Variants in ZNF652 observed in about 807,000 individuals in gnomAD.
ZNF652 encodes zinc finger protein 652.
A neutral mutation model predicts 45.2 loss-of-function variants in ZNF652; 16 were observed. That is an observed-to-expected ratio of 0.35 (90% CI 0.24 to 0.54). The LOEUF is 0.54. Among genes scored for constraint, ZNF652 ranks in the 20% least tolerant of loss-of-function variants. ZNF652 has a pLI of 0.91. For synonymous variants in ZNF652, 250 were observed against 260.6 expected (o/e 0.96, Z 0.39); for missense variants, 614 against 765.6 (o/e 0.80, Z 2.34).
At chr17:49,328,866 G>A (rs982915397) in intron 1 of ZNF652, among the ~76,000 whole-genome samples, 84 of 152,238 alleles carry the variant, frequency 5.5e-4, no homozygotes, top group African/African-American at 1.9e-3. Flanking sequence ...CAACTTTCCC[G>A]TTGTCATTGC....
At chr17:49,351,614 T>C (rs1288759164) in intron 1 of ZNF652, among the ~76,000 whole-genome samples, 1 of 152,140 alleles carries the variant, frequency 6.6e-6, no homozygotes, top group African/African-American at 2.4e-5. Context: ...TATTGAGAGA[T>C]GTCTCAGGAT....
intron 1 of ZNF652, among the ~76,000 whole-genome samples, chr17:49,324,519 T>TA (rs1427087967): frequency 6.6e-6 from 1 of 151,288 alleles, no homozygotes; most frequent in Non-Finnish European, 1.5e-5. Context: ...GCCTCCCAAG[T>TA]AGCTGGGATT....
At chr17:49,336,956 T>TG (rs1395710763) in intron 1 of ZNF652, among the ~76,000 whole-genome samples, 5 of 125,424 alleles carry the variant, frequency 4.0e-5, no homozygotes, top group Middle Eastern at 7.6e-3. Flanking sequence ...TTTTTTTTTT[T>TG]TTTTTTTTTA....
At chr17:49,311,723 T>A (rs1286330615) in intron 4 of ZNF652, among the ~76,000 whole-genome samples, 1 of 152,212 alleles carries the variant, frequency 6.6e-6, no homozygotes, top group Non-Finnish European at 1.5e-5. Context: ...CAAGTTAACC[T>A]AATCTAAGAG....
chr17:49,320,994 C>T (rs1026066201), intron 1 of ZNF652, among the ~76,000 whole-genome samples: 8 of 143,678 alleles, frequency 5.6e-5, no homozygotes, highest in African/African-American at 2.4e-4. Flanking sequence ...GGATTACAGG[C>T]GTGAGCCACT....
intron 1 of ZNF652, among the ~76,000 whole-genome samples, chr17:49,343,149 TG>T (rs1388187417): frequency 1.3e-5 from 2 of 152,218 alleles, no homozygotes; most frequent in Non-Finnish European, 2.9e-5. Context: ...CCCAAAGTGC[TG>T]GGATTACAGG....
chr17:49,355,723 C>A (rs545844578), intron 1 of ZNF652, among the ~76,000 whole-genome samples: 2 of 151,372 alleles, frequency 1.3e-5, no homozygotes, highest in South Asian at 4.2e-4. Flanking sequence ...TATGGTGAAA[C>A]CCCGTCTCTA....
intron 5 of ZNF652, among the ~76,000 whole-genome samples, chr17:49,299,335 C>T (rs2069520933): frequency 6.6e-6 from 1 of 152,196 alleles, no homozygotes; most frequent in Non-Finnish European, 1.5e-5. Flanking sequence ...TCCTAGATGA[C>T]TCTTTGCCTT....
rs1047735850 is a variant in ZNF652, at chr17:49,291,268, A to G, written c.*7145T>C. ...GACGGTCCCTTTTCACCCATAAAAG[A>G]CAGGTAGGGAGGAAGCTGTGTTCAT... On this transcript the variant is annotated 3_prime_UTR_variant, in exon 6 of 6. Coordinates refer to ENST00000430262, the MANE Select transcript of ZNF652 (RefSeq NM_001145365.3). 1 of 152,240 alleles carries G rather than the reference A, an allele frequency of 6.6e-6. No individual in the cohort carries two copies. Among genetic ancestry groups the G allele is most frequent in the African/African-American group, 2.4e-5 (1 of 41,468 alleles). The allele number at this position is 152,240 out of a possible 1,614,324, so 9.4% of individuals were successfully genotyped here.
At chr17:49,324,187 C>T (rs962644451) in intron 1 of ZNF652, among the ~76,000 whole-genome samples, 3 of 152,212 alleles carry the variant, frequency 2.0e-5, no homozygotes, top group African/African-American at 7.2e-5. Flanking sequence ...ATGGAGATAG[C>T]TTCTTTCCTT....
intron 2 of ZNF652, 76 bp from the exon 3 acceptor site, chr17:49,312,921 A>G: frequency 6.7e-7 from 1 of 1,486,672 alleles, no homozygotes; most frequent in South Asian, 1.3e-5. Flanking sequence ...GACCAAACGG[A>G]TGTGCTTTAG....
Position 49,317,463 on chromosome 17 carries a change from G to C in ZNF652, c.263C>G (p.Ser88Cys), listed in dbSNP as rs181916483. ...GTCTTCCTTAACAGCATGCACGTCA[G>C]ACACTGCTCTTGTCTCCCTGAAATA... ...QPYFRETRAV[S>C]DVHAVKEDRE... Residue 88 changes from serine to cysteine, a missense_variant, in exon 2 of 6, where the codon TCT becomes TGT. Physicochemically the swap from Ser to Cys is moderately radical, Grantham distance 112. Transcript: ENST00000430262. 1.5e-3 allele frequency: 2,368 copies of C among 1,614,160 alleles called. 4 individuals carry two copies. The highest frequency in any genetic ancestry group is 1.8e-3 in the Admixed American group (109 of 60,010).
At chr17:49,311,134 ATTAAAG>A (rs1567918672) in intron 5 of ZNF652, among the ~76,000 whole-genome samples, 172 bp downstream of exon 5, 2 of 152,362 alleles carry the variant, frequency 1.3e-5, no homozygotes, top group Admixed American at 6.5e-5. Flanking sequence ...ACAATCAGTT[ATTAAAG>A]TTAAATTTTT....
intron 1 of ZNF652, among the ~76,000 whole-genome samples, chr17:49,327,751 A>T (rs1567690387): frequency 1.1e-3 from 7 of 6,114 alleles, no homozygotes; most frequent in African/African-American, 1.5e-3. Context: ...ATATATATAT[A>T]TATATATATA....
At chr17:49,348,079 C>T (rs2070225983) in intron 1 of ZNF652, among the ~76,000 whole-genome samples, 1 of 152,090 alleles carries the variant, frequency 6.6e-6, no homozygotes, top group African/African-American at 2.4e-5. Context: ...TAGATCTAAA[C>T]ACCAATCTAC....
At chr17:49,323,270 A>G (rs1449161296) in intron 1 of ZNF652, among the ~76,000 whole-genome samples, 3 of 152,232 alleles carry the variant, frequency 2.0e-5, no homozygotes, top group Admixed American at 1.3e-4. Flanking sequence ...CACCAGGAGT[A>G]GATTCCATCT....
chr17:49,343,925 G>T (rs907060897), intron 1 of ZNF652, among the ~76,000 whole-genome samples: 1 of 152,076 alleles, frequency 6.6e-6, no homozygotes, highest in South Asian at 2.1e-4. Flanking sequence ...CCGGCCAGGC[G>T]CGGTGGCTCA....
chr17:49,357,961 G>A (rs1204040267), intron 1 of ZNF652, among the ~76,000 whole-genome samples: 2 of 152,210 alleles, frequency 1.3e-5, no homozygotes, highest in Non-Finnish European at 2.9e-5. Context: ...ATGAAAAAAT[G>A]CAGATCGCAG....
In ZNF652 at chr17:49,317,087, A is replaced by C. The variant is rs746773962; in HGVS notation, c.639T>G (p.Arg213=). 1.2e-6 allele frequency: 2 copies of C among 1,613,902 alleles called. No individual in the cohort carries two copies. The highest frequency in any genetic ancestry group is 4.5e-5 in the East Asian group (2 of 44,864). Residue 213 remains arginine (R), a synonymous_variant, in exon 2 of 6, where the codon CGT becomes CGG. Transcript: ENST00000430262. ...TSPTPRTTRG[R]RKSVEPPKRK... is the part of the protein sequence containing the mutation. Reference sequence around the variant, plus strand: ...GCTTAGGTGGCTCTACACTCTTCCTACGACCTCTTGTAGTTCTGGGAGTAG... The same window carrying C: ...GCTTAGGTGGCTCTACACTCTTCCTCCGACCTCTTGTAGTTCTGGGAGTAG...
Sources: allele counts gnomAD v4.1 joint callset (sites outside exome capture counted in the v4.1 genomes callset), GRCh38; gene constraint gnomAD v4.1.1; transcripts MANE v1.5; gene names NCBI Gene and HGNC (gene_info 2026-07-23, HGNC 2026-07-21).